DPYSL5: variants seen among roughly 807,000 people sequenced by gnomAD.
The protein encoded by DPYSL5 is dihydropyrimidinase like 5, also known as dihydropyrimidinase-related protein 5.
In DPYSL5, 9 loss-of-function variants were observed where a neutral mutation model predicts 58.4. The ratio of observed to expected loss-of-function variants is 0.15; its 90% confidence interval spans 0.09 to 0.27. The LOEUF (loss-of-function observed/expected upper bound fraction) is 0.27, where lower values mean the gene tolerates loss of function less well. Among genes scored for constraint, DPYSL5 ranks in the 10% least tolerant of loss-of-function variants. The pLI, the probability that DPYSL5 is intolerant of heterozygous loss-of-function variation, is 1.00. For missense variants in DPYSL5, 499 were observed against 770.6 expected, an observed-to-expected ratio of 0.65 and a Z score of 4.17; for synonymous variants, 293 against 301.9, an observed-to-expected ratio of 0.97 and a Z score of 0.31.
chr2:26,862,254 G>A (rs544374623), intron 1 of DPYSL5, among the ~76,000 whole-genome samples: 2 of 152,316 alleles, frequency 1.3e-5, no homozygotes, highest in Admixed American at 1.3e-4. Flanking sequence ...ACTAATACAG[G>A]GCTCTCTTGT....
At chr2:26,928,388 T>C (rs113283739) in intron 5 of DPYSL5, 65 bp downstream of exon 5, 42 of 1,550,792 alleles carry the variant, frequency 2.7e-5, no homozygotes, top group African/African-American at 2.6e-4. Context: ...TCTTCCAGGA[T>C]GGAGGAGACA....
At chr2:26,937,153 C>A (rs1665200973) in intron 8 of DPYSL5, among the ~76,000 whole-genome samples, 1 of 151,986 alleles carries the variant, frequency 6.6e-6, no homozygotes, top group South Asian at 2.1e-4. Context: ...ACCCAAATTA[C>A]AGCGCCCAAA....
At chr2:26,889,600 C>T (rs532184718) in intron 1 of DPYSL5, among the ~76,000 whole-genome samples, 14 of 152,112 alleles carry the variant, frequency 9.2e-5, no homozygotes, top group African/African-American at 3.4e-4. Context: ...CTGACCACAA[C>T]CTCTGACAAG....
At chr2:26,916,426 C>T (rs1029525438) in intron 2 of DPYSL5, among the ~76,000 whole-genome samples, 1 of 152,130 alleles carries the variant, frequency 6.6e-6, no homozygotes, top group Non-Finnish European at 1.5e-5. Context: ...GGCAGTGTGG[C>T]CTGACTCCTC....
chr2:26,940,937 A>ATTTTTT (rs67016261), intron 9 of DPYSL5, among the ~76,000 whole-genome samples: 1 of 40,620 alleles, frequency 2.5e-5, no homozygotes, highest in Non-Finnish European at 6.8e-5. Flanking sequence ...TATTATTATT[A>ATTTTTT]TTTATTTTTT....
intron 2 of DPYSL5, among the ~76,000 whole-genome samples, chr2:26,916,393 C>T (rs2148151024): frequency 6.6e-6 from 1 of 152,316 alleles, no homozygotes; most frequent in African/African-American, 2.4e-5. Flanking sequence ...GCCTCCCATC[C>T]TGGGCCAGAC....
intron 1 of DPYSL5, among the ~76,000 whole-genome samples, chr2:26,870,438 A>G (rs1663230567): frequency 6.6e-6 from 1 of 152,302 alleles, no homozygotes; most frequent in South Asian, 2.1e-4. Context: ...CTTTTGGTAC[A>G]CTGCAAATTG....
chr2:26,889,871 G>GTCCT (rs1663828242), intron 1 of DPYSL5, among the ~76,000 whole-genome samples: 1 of 152,104 alleles, frequency 6.6e-6, no homozygotes, highest in African/African-American at 2.4e-5. Flanking sequence ...GACCAGCAAC[G>GTCCT]TCCTCCCTTT....
intron 1 of DPYSL5, among the ~76,000 whole-genome samples, chr2:26,886,937 C>T (rs1010056599): frequency 2.2e-4 from 33 of 152,210 alleles, no homozygotes; most frequent in Non-Finnish European, 3.4e-4. Flanking sequence ...ACACAACTGT[C>T]GTGTATTGCC....
intron 3 of DPYSL5, among the ~76,000 whole-genome samples, chr2:26,926,804 C>T (rs1268010621): frequency 6.6e-6 from 1 of 152,176 alleles, no homozygotes; most frequent in African/African-American, 2.4e-5. Flanking sequence ...TATCCTAACT[C>T]TCATAACTTT....
chr2:26,893,075 G>A (rs1385784421), intron 1 of DPYSL5, among the ~76,000 whole-genome samples: 2 of 152,150 alleles, frequency 1.3e-5, no homozygotes, highest in African/African-American at 4.8e-5. Context: ...CTCCCCAGAG[G>A]TCAGAATGAT....
chr2:26,884,293 A>G (rs1663652409), intron 1 of DPYSL5, among the ~76,000 whole-genome samples: 1 of 152,150 alleles, frequency 6.6e-6, no homozygotes, highest in Non-Finnish European at 1.5e-5. Flanking sequence ...TCCTTCTTCC[A>G]GGACCTGCGG....
intron 2 of DPYSL5, among the ~76,000 whole-genome samples, chr2:26,917,474 C>T (rs4316900): frequency 0.37 from 56,227 of 150,390 alleles, 10,914 homozygotes; most frequent in Admixed American, 0.54. Context: ...ATGCATCTCT[C>T]GGATGCCCTG....
chr2:26,934,579 G>A lies in DPYSL5; in HGVS notation c.792G>A (p.Gly264=). The A allele has an allele frequency of 6.2e-7, 1 of 1,612,014 alleles. No individual in the cohort carries two copies. Among genetic ancestry groups the A allele is most frequent in the Non-Finnish European group, 8.5e-7 (1 of 1,179,594 alleles). ...TGGTTCTGACCTTTCTTCTTCCAGG[G>A]AAGGTTGTGCTGGCGGAGACCACCA... ...GDVIAAAKMQ[G]KVVLAETTTA... The change falls in exon 8 of 13, where the codon GGG becomes GGA. Residue 264 remains glycine (G), a splice_region_variant and synonymous_variant. Transcript: ENST00000288699. This position sits in a 1 kb window ranked among gnomAD's most constrained non-coding sequence, Gnocchi z 4.3.
rs139539355 is a variant in DPYSL5 at position 26,925,019 on chromosome 2, G to T, written c.394G>T (p.Val132Leu). 5.0e-6 allele frequency: 8 copies of T among 1,614,022 alleles called. No individual in the cohort carries two copies. The highest frequency in any genetic ancestry group is 2.7e-5 in the African/African-American group (2 of 74,934). The change falls in exon 3 of 13, where the codon GTG (valine) becomes TTG (leucine). Residue 132 changes from valine to leucine, a missense_variant. Physicochemically the swap from Val to Leu is conservative, Grantham distance 32. Around this residue, in one of 3 missense-constraint regions of DPYSL5, gnomAD observed 404 missense variants for 647.6 expected, o/e 0.62. Coordinates refer to ENST00000288699, the MANE Select transcript of DPYSL5 (RefSeq NM_020134.4). This position sits in a 1 kb window ranked among gnomAD's most constrained non-coding sequence, Gnocchi z 4.5. ...GGTCTGCTGTGATTACGCCCTCCAC[G>T]TGGGGATCACCTGGTGGGCACCCAA... is the stretch of plus-strand genomic sequence containing the variant. Reference protein sequence around the residue: ...PKVCCDYALHVGITWWAPKVK... With the variant: ...PKVCCDYALHLGITWWAPKVK...
chr2:26,897,124 A>C (rs554367567), intron 1 of DPYSL5, among the ~76,000 whole-genome samples: 155 of 152,266 alleles, frequency 1.0e-3, no homozygotes, highest in African/African-American at 3.7e-3. Flanking sequence ...AACGAGGGAC[A>C]GTTTTGTTTT....
chr2:26,858,328 A>C (rs1392611455), intron 1 of DPYSL5, among the ~76,000 whole-genome samples: 1 of 151,750 alleles, frequency 6.6e-6, no homozygotes, highest in Non-Finnish European at 1.5e-5. Flanking sequence ...CGCGCCACCA[A>C]GCCCGGCTAA....
intron 5 of DPYSL5, among the ~76,000 whole-genome samples, chr2:26,930,613 A>C (rs6547318): frequency 0.59 from 88,844 of 151,822 alleles, 26,385 homozygotes; most frequent in East Asian, 0.68. Context: ...GCTTGAGCCC[A>C]GGAGTTTATG....
At chr2:26,862,869 C>A (rs1666052088) in intron 1 of DPYSL5, among the ~76,000 whole-genome samples, 2 of 152,312 alleles carry the variant, frequency 1.3e-5, no homozygotes, top group South Asian at 2.1e-4. Flanking sequence ...CATTACATGG[C>A]CATTTTCAAT....
Sources: allele counts gnomAD v4.1 joint callset (sites outside exome capture counted in the v4.1 genomes callset), GRCh38; gene constraint gnomAD v4.1.1; regional missense constraint gnomAD v4.1.1; non-coding constraint Gnocchi (gnomAD v3.1); transcripts MANE v1.5; gene names NCBI Gene and HGNC (gene_info 2026-07-23, HGNC 2026-07-21).